Variants in TENM4 observed in about 807,000 individuals in gnomAD.
TENM4 encodes the protein teneurin transmembrane protein 4, also known as teneurin-4.
TENM4 carries 82 observed loss-of-function variants against 243.3 expected under a neutral mutation model. The ratio of observed to expected loss-of-function variants is 0.34; its 90% CI spans 0.28 to 0.40. The LOEUF is 0.40. Ranked by LOEUF, TENM4 falls within the 10% of genes least tolerant of loss-of-function variation. TENM4 has a pLI of 1.00. For missense variants in TENM4, 3,138 were observed against 3,673.3 expected, an observed-to-expected ratio of 0.85 and a Z score of 3.77; for synonymous variants, 1,412 against 1,456.3, an observed-to-expected ratio of 0.97 and a Z score of 0.69.
intron 6 of TENM4, among the ~76,000 whole-genome samples, chr11:78,992,341 A>G (rs1858066206): frequency 6.6e-6 from 1 of 152,188 alleles, no homozygotes. Context: ...CTCTTCCGGG[A>G]AGTCCTCACT....
intron 3 of TENM4, among the ~76,000 whole-genome samples, chr11:79,175,917 T>C (rs188974193): frequency 4.5e-4 from 69 of 152,156 alleles, no homozygotes; most frequent in Admixed American, 3.5e-3. Context: ...AGACCATGTC[T>C]CTGCAAAAAA....
At chr11:78,814,195 G>T in intron 13 of TENM4, 99 bp downstream of exon 13, 1 of 1,172,010 alleles carries the variant, frequency 8.5e-7, no homozygotes, top group Non-Finnish European at 1.2e-6. Context: ...GTGGGCATCA[G>T]AAGGTGGGCT....
At chr11:79,158,063 T>G (rs1192601637) in intron 3 of TENM4, among the ~76,000 whole-genome samples, 1 of 152,214 alleles carries the variant, frequency 6.6e-6, no homozygotes, top group Admixed American at 6.5e-5. Context: ...GATCCCAGCT[T>G]GCCCAGGACC....
At chr11:78,801,972 G>T (rs1857289713) in intron 15 of TENM4, among the ~76,000 whole-genome samples, 1 of 152,172 alleles carries the variant, frequency 6.6e-6, no homozygotes, top group East Asian at 1.9e-4. Context: ...ATTCCATAAA[G>T]TAATTTTACC....
intron 2 of TENM4, among the ~76,000 whole-genome samples, chr11:79,225,386 G>T (rs960410735): frequency 2.6e-5 from 4 of 152,164 alleles, no homozygotes; most frequent in African/African-American, 9.7e-5. Context: ...GGGTTCATCT[G>T]CTTCTTGGAT....
At chr11:78,799,142 T>C (rs1857227452) in intron 15 of TENM4, among the ~76,000 whole-genome samples, 1 of 152,156 alleles carries the variant, frequency 6.6e-6, no homozygotes, top group Non-Finnish European at 1.5e-5. Context: ...CTCAGGAAGC[T>C]TGTGATGCTG....
intron 4 of TENM4, among the ~76,000 whole-genome samples, chr11:79,080,856 T>G (rs1016692693): frequency 6.6e-6 from 1 of 152,202 alleles, no homozygotes; most frequent in African/African-American, 2.4e-5. Flanking sequence ...GGATTGCCAA[T>G]TCTCTGTAAA....
intron 9 of TENM4, among the ~76,000 whole-genome samples, chr11:78,879,617 G>GCCA (rs1859374758): frequency 7.3e-6 from 1 of 137,274 alleles, no homozygotes; most frequent in Non-Finnish European, 1.6e-5. Flanking sequence ...CTGCCCGGCC[G>GCCA]CCCCGTCTGG....
intron 7 of TENM4, among the ~76,000 whole-genome samples, chr11:78,899,893 C>A (rs1248308469): frequency 6.6e-6 from 1 of 152,300 alleles, no homozygotes; most frequent in Non-Finnish European, 1.5e-5. Flanking sequence ...AACTGTAAGC[C>A]AAATAAATCC....
chr11:78,788,457 A>C (rs1434460274), intron 15 of TENM4, among the ~76,000 whole-genome samples: 3 of 152,252 alleles, frequency 2.0e-5, no homozygotes, highest in African/African-American at 7.2e-5. Context: ...TGCCAGGCTC[A>C]GGAGCTTCTG....
At chr11:79,134,061 CTGTT>C (rs776642668) in intron 4 of TENM4, among the ~76,000 whole-genome samples, 58 of 152,274 alleles carry the variant, frequency 3.8e-4, no homozygotes, top group Non-Finnish European at 6.2e-4. Flanking sequence ...CAAACTGTCA[CTGTT>C]TGCTGAAGAT....
chr11:79,157,727 C>A (rs1862652314), intron 3 of TENM4, among the ~76,000 whole-genome samples: 1 of 152,338 alleles, frequency 6.6e-6, no homozygotes, highest in South Asian at 2.1e-4. Context: ...CTCTGTAAAA[C>A]CTCCCCTGAG....
At chr11:78,941,282 G>C (rs1438121357) in intron 6 of TENM4, among the ~76,000 whole-genome samples, 5 of 152,212 alleles carry the variant, frequency 3.3e-5, no homozygotes, top group Non-Finnish European at 5.9e-5. Flanking sequence ...TGAGACCAGA[G>C]ACATAAAAGC....
intron 6 of TENM4, among the ~76,000 whole-genome samples, chr11:79,058,203 T>G (rs1859988754): frequency 6.6e-6 from 1 of 152,176 alleles, no homozygotes; most frequent in South Asian, 2.1e-4. Context: ...TGAGCTAACA[T>G]GAACGTGTCT....
chr11:79,290,839 G>C (rs1856343288), intron 2 of TENM4, among the ~76,000 whole-genome samples: 1 of 152,174 alleles, frequency 6.6e-6, no homozygotes, highest in Non-Finnish European at 1.5e-5. Flanking sequence ...TTAAATGGGA[G>C]AATGAATGCA....
At chr11:79,210,738 G>A (rs1028684973) in intron 3 of TENM4, among the ~76,000 whole-genome samples, 2 of 152,162 alleles carry the variant, frequency 1.3e-5, no homozygotes, top group African/African-American at 4.8e-5. Flanking sequence ...CACATAGTGA[G>A]TGCTCATTTT....
At chr11:79,315,970 T>C (rs1382408708) in intron 1 of TENM4, among the ~76,000 whole-genome samples, 2 of 152,224 alleles carry the variant, frequency 1.3e-5, no homozygotes, top group African/African-American at 2.4e-5. Flanking sequence ...TGCAGTTACT[T>C]TTGCACCAAC....
At chr11:79,320,129 T>C (rs1856863771) in intron 1 of TENM4, among the ~76,000 whole-genome samples, 1 of 152,198 alleles carries the variant, frequency 6.6e-6, no homozygotes, top group Non-Finnish European at 1.5e-5. Flanking sequence ...TCTTCCCTTC[T>C]GCACCCTCTG....
chr11:79,021,037 C>T (rs1330487425), intron 6 of TENM4, among the ~76,000 whole-genome samples: 3 of 152,160 alleles, frequency 2.0e-5, no homozygotes, highest in South Asian at 2.1e-4. Context: ...TCTTTGCATC[C>T]CTGCTGGGCC....
Sources: gnomAD v4.1 joint callset for allele counts (sites outside exome capture counted in the v4.1 genomes callset) on GRCh38, gnomAD v4.1.1 for gene constraint, MANE v1.5 for transcripts, NCBI Gene and HGNC (gene_info 2026-07-23, HGNC 2026-07-21) for gene names.